TTL: variants seen among roughly 807,000 people sequenced by gnomAD.
TTL encodes tubulin--tyrosine ligase.
TTL carries 10 observed loss-of-function variants against 41.1 expected under a neutral mutation model. The ratio of observed to expected loss-of-function variants is 0.24; its 90% CI spans 0.15 to 0.41. The LOEUF is 0.41. Ranked by LOEUF, TTL falls within the 10% of genes least tolerant of loss-of-function variation. The pLI is 1.00. For missense variants in TTL, 367 were observed against 460.4 expected (o/e 0.80, Z 1.86); for synonymous variants, 175 against 175.5 (o/e 1.00, Z 0.02).
At position 112,482,391 on chromosome 2, in the gene TTL, A is replaced by G; in HGVS notation, c.47A>G (p.Glu16Gly). The part of the protein sequence containing the change: ...VRDENSSVYA[E>G]VSRLLLATGH... The stretch of plus-strand genomic sequence containing the variant: ...GATGAGAACAGCAGCGTCTACGCCG[A>G]GGTCTCCCGGCTGCTCCTCGCCACC... Residue 16 changes from glutamate to glycine, a missense_variant, in exon 1 of 7, where the codon GAG becomes GGG. By Grantham distance (98) the Glu-to-Gly change is moderately conservative. Coordinates refer to ENST00000233336, the MANE Select transcript of TTL (RefSeq NM_153712.5). The surrounding 1 kb of genome is among the most constrained non-coding windows in gnomAD (Gnocchi z 5.3). 2 of 1,597,602 alleles carry G rather than the reference A, an allele frequency of 1.3e-6. No individual in the cohort carries two copies. The highest frequency in any genetic ancestry group is 1.7e-6 in the Non-Finnish European group (2 of 1,173,110).
At chr2:112,516,101 T>C (rs181048128) in intron 5 of TTL, among the ~76,000 whole-genome samples, 28 of 152,374 alleles carry the variant, frequency 1.8e-4, no homozygotes, top group African/African-American at 5.5e-4. Flanking sequence ...TTTCCTGTTT[T>C]ATGTTCAGCT....
At chr2:112,517,059 C>T (rs1682090135) in intron 5 of TTL, among the ~76,000 whole-genome samples, 1 of 151,704 alleles carries the variant, frequency 6.6e-6, no homozygotes, top group Admixed American at 6.6e-5. Context: ...CTAGCCTCCC[C>T]CTAACTTCCC....
chr2:112,503,102 G>A lies in TTL; in HGVS notation c.796G>A (p.Glu266Lys). ...YEEGNEMFFK[E>K]FNQYLTSALN... Reference sequence around the variant, plus strand: ...AGAAGGAAATGAAATGTTCTTCAAGGAGTTCAATCAGTACCTAACAAGTGC... The same window carrying A: ...AGAAGGAAATGAAATGTTCTTCAAGAAGTTCAATCAGTACCTAACAAGTGC... Residue 266 changes from glutamate to lysine, a missense_variant, in exon 5 of 7, where the codon GAG (glutamate) becomes AAG (lysine). Physicochemically the swap from Glu to Lys is moderately conservative, Grantham distance 56 (BLOSUM62 1). Transcript: ENST00000233336. 6.2e-7 allele frequency: 1 copy of A among 1,613,532 alleles called. No individual in the cohort carries two copies. The highest frequency in any genetic ancestry group is 8.5e-7 in the Non-Finnish European group (1 of 1,179,924).
At chr2:112,483,436 A>G (rs1010626408) in intron 1 of TTL, 1 of 152,274 alleles carries the variant, frequency 6.6e-6, no homozygotes. Context: ...CCGGGGAGCC[A>G]TGTTCCTTGC....
chr2:112,530,218 C>T lies in TTL; in HGVS notation c.*1423C>T, dbSNP rs1359049321. 1 of 229,116 alleles carries T rather than the reference C, an allele frequency of 4.4e-6. No individual in the cohort carries two copies. The highest frequency in any genetic ancestry group is 8.6e-6 in the Non-Finnish European group (1 of 115,616). The allele number at this position is 229,116 out of a possible 1,614,324, so 14.2% of individuals were successfully genotyped here. ...AGACTTTTACAAAAGAGGAGAAAAT[C>T]AATGCCTCCTTGAACATGATGAGAT... On this transcript the variant is annotated 3_prime_UTR_variant, in exon 7 of 7. Transcript: ENST00000233336.
rs940222465 is a variant in TTL at position 112,520,483 on chromosome 2, A to G, written c.1019+58A>G. 4.4e-6 allele frequency: 7 copies of G among 1,598,734 alleles called. No individual in the cohort carries two copies. The African/African-American group carries it at 8.0e-5, about 18-fold the overall frequency. ...GGGAAGTTGGTTCTGCAGTTGGGAT[A>G]GTCTGTGGGTACAAGTGTAGTCACT... On this transcript the variant is annotated intron_variant, in intron 6 of 6. Coordinates refer to ENST00000233336, the MANE Select transcript of TTL (RefSeq NM_153712.5).
chr2:112,515,934 G>A (rs1411476212), intron 5 of TTL, among the ~76,000 whole-genome samples: 5 of 149,910 alleles, frequency 3.3e-5, no homozygotes, highest in African/African-American at 7.4e-5. Context: ...GCGACACAGC[G>A]AGACTCCATC....
In TTL at chr2:112,528,932, C is replaced by G; in HGVS notation, c.*137C>G. 1 of 715,298 alleles carries G rather than the reference C, an allele frequency of 1.4e-6. No individual in the cohort carries two copies. The highest frequency in any genetic ancestry group is 2.4e-6 in the Non-Finnish European group (1 of 408,898). The allele number at this position is 715,298 out of a possible 1,614,324, so 44.3% of individuals were successfully genotyped here. On this transcript the variant is annotated 3_prime_UTR_variant, in exon 7 of 7. Coordinates refer to ENST00000233336, the MANE Select transcript of TTL (RefSeq NM_153712.5). ...CGCAAAGATGAGATGGAAGAAGGCACGTGAGCAGAGGAGGCAGCTCCCAAA... is the reference window on the plus strand; with the variant it reads ...CGCAAAGATGAGATGGAAGAAGGCAGGTGAGCAGAGGAGGCAGCTCCCAAA...
chr2:112,524,115 G>A (rs1193541604), intron 6 of TTL, among the ~76,000 whole-genome samples: 1 of 152,148 alleles, frequency 6.6e-6, no homozygotes, highest in East Asian at 1.9e-4. Context: ...CCCTACAAAG[G>A]ACATGAACTC....
intron 6 of TTL, among the ~76,000 whole-genome samples, chr2:112,523,052 C>T (rs566685593): frequency 4.6e-5 from 7 of 152,264 alleles, no homozygotes; most frequent in Admixed American, 2.0e-4. Context: ...CCTCCAAGGC[C>T]GCTGCCTTAC....
chr2:112,499,129 A>G (rs1248874758), intron 3 of TTL, among the ~76,000 whole-genome samples: 2 of 152,316 alleles, frequency 1.3e-5, no homozygotes, highest in Non-Finnish European at 1.5e-5. Context: ...CCTGGCCAAC[A>G]TGGTGAAACC....
Position 112,521,104 on chromosome 2 carries a change from G to A in TTL, c.1019+679G>A, listed in dbSNP as rs1285868547. 5 of 882,174 alleles carry A rather than the reference G, an allele frequency of 5.7e-6. No homozygotes were observed. The South Asian group carries it at 2.1e-4, about 37-fold the overall frequency. 54.6% of individuals were successfully genotyped at this position (882,174 alleles called of 1,614,324 possible). On this transcript the variant is annotated intron_variant, in intron 6 of 6. Coordinates refer to ENST00000233336, the MANE Select transcript of TTL (RefSeq NM_153712.5). The stretch of plus-strand genomic sequence containing the variant: ...GTCAGAGAAGGCATCTTAGACATGG[G>A]GGGTCTGGAGCTGGGGTGCAAGAAA...
intron 5 of TTL, 55 bp downstream of exon 5, chr2:112,503,236 G>A (rs1181936485): frequency 2.4e-5 from 35 of 1,429,180 alleles, no homozygotes; most frequent in Admixed American, 4.6e-5. Context: ...GAGCTTTGGC[G>A]TCTATGCCTT....
At chr2:112,512,423 C>T (rs1294550960) in intron 5 of TTL, among the ~76,000 whole-genome samples, 8 of 152,082 alleles carry the variant, frequency 5.3e-5, no homozygotes, top group Non-Finnish European at 1.2e-4. Context: ...CCACCATGCC[C>T]GGCTAATTTT....
At chr2:112,524,194 T>C (rs919473998) in intron 6 of TTL, among the ~76,000 whole-genome samples, 2 of 152,208 alleles carry the variant, frequency 1.3e-5, no homozygotes, top group East Asian at 1.9e-4. Flanking sequence ...CAGTCTATCA[T>C]TGATGGACAT....
chr2:112,516,765 A>G (rs1418489713), intron 5 of TTL, among the ~76,000 whole-genome samples: 5 of 152,282 alleles, frequency 3.3e-5, no homozygotes, highest in African/African-American at 9.6e-5. Context: ...CACCATGTCA[A>G]TGCTACCCTG....
chr2:112,512,399 A>C (rs1325888707), intron 5 of TTL, among the ~76,000 whole-genome samples: 1 of 151,868 alleles, frequency 6.6e-6, no homozygotes, highest in Non-Finnish European at 1.5e-5. Flanking sequence ...AATAGCTGGG[A>C]CTACAGGCGC....
chr2:112,514,558 A>G (rs1682017380), intron 5 of TTL, among the ~76,000 whole-genome samples: 1 of 152,196 alleles, frequency 6.6e-6, no homozygotes, highest in Non-Finnish European at 1.5e-5. Flanking sequence ...ATACCATTGT[A>G]TTCTGGCTTC....
rs1376080048 is a variant in TTL, at chr2:112,509,032, C to G, written c.875+5851C>G. Among the ~76,000 whole-genome samples, 11 of 91,484 alleles carry G rather than the reference C, an allele frequency of 1.2e-4. 2 individuals carry two copies. In the Admixed American group the frequency reaches 1.2e-3, roughly 10 times the overall value. 60.0% of individuals were successfully genotyped at this position (91,484 alleles called of 152,430 possible). On this transcript the variant is annotated intron_variant, in intron 5 of 6. Coordinates refer to ENST00000233336, the MANE Select transcript of TTL (RefSeq NM_153712.5). ...TTCTGGTTGTTAGTTTTCCTTCTAA[C>G]AGACAGGACCCTCAGCTGCAGGTCT...
Sources: gnomAD v4.1 joint callset for allele counts (sites outside exome capture counted in the v4.1 genomes callset) on GRCh38, gnomAD v4.1.1 for gene constraint, Gnocchi (gnomAD v3.1) non-coding constraint, MANE v1.5 for transcripts, NCBI Gene and HGNC (gene_info 2026-07-23, HGNC 2026-07-21) for gene names.